HDAC9: variants seen among roughly 807,000 people sequenced by gnomAD.
HDAC9 encodes MEF-2 interacting transcription repressor (MITR) protein.
Under a neutral mutation model 139.4 loss-of-function variants are expected in HDAC9, and 41 were observed. That is an observed-to-expected ratio of 0.29 (90% CI 0.23 to 0.38). HDAC9 has a LOEUF of 0.38. Ranked by LOEUF, HDAC9 falls within the 10% of genes least tolerant of loss-of-function variation. The probability of loss-of-function intolerance (pLI) is 1.00; values close to 1 mark genes in which losing one functional copy is unlikely to be tolerated. For synonymous variants in HDAC9, 517 were observed against 476.2 expected (o/e 1.09, Z -1.12); for missense variants, 1,147 against 1,297.0 (o/e 0.88, Z 1.78).
intron 6 of HDAC9, among the ~76,000 whole-genome samples, chr7:18,626,490 A>G (rs971855380): frequency 6.6e-6 from 1 of 152,168 alleles, no homozygotes; most frequent in Non-Finnish European, 1.5e-5. Flanking sequence ...AACATGAGAA[A>G]TCGAGGTTTA....
intron 2 of HDAC9, chr7:18,505,713 A>G (rs1432288084): frequency 6.6e-6 from 1 of 152,250 alleles, no homozygotes; most frequent in African/African-American, 2.4e-5. Context: ...TCCAACAGGT[A>G]ATTTTTATGA....
At chr7:18,882,168 G>A (rs536017817) in intron 22 of HDAC9, among the ~76,000 whole-genome samples, 6 of 151,980 alleles carry the variant, frequency 3.9e-5, no homozygotes, top group Non-Finnish European at 8.8e-5. Context: ...CACTATATTC[G>A]ATGTTTCTTG....
chr7:18,871,259 A>G (rs899303333), intron 21 of HDAC9, among the ~76,000 whole-genome samples: 1 of 152,254 alleles, frequency 6.6e-6, no homozygotes, highest in South Asian at 2.1e-4. Flanking sequence ...TGACATGTCC[A>G]TGTCTCTTTT....
intron 1 of HDAC9, among the ~76,000 whole-genome samples, chr7:18,381,406 A>G (rs372497916): frequency 1.3e-5 from 2 of 152,066 alleles, no homozygotes; most frequent in African/African-American, 2.4e-5. Context: ...ACCAAGCAGT[A>G]AAGTATAAAT....
At chr7:18,687,790 G>C (rs1425825277) in intron 12 of HDAC9, among the ~76,000 whole-genome samples, 2 of 151,750 alleles carry the variant, frequency 1.3e-5, no homozygotes, top group African/African-American at 4.8e-5. Flanking sequence ...CTAGTTAGAT[G>C]GACATATTTT....
chr7:18,739,403 C>T (rs1004789316), intron 13 of HDAC9, among the ~76,000 whole-genome samples: 6 of 152,230 alleles, frequency 3.9e-5, no homozygotes, highest in African/African-American at 1.2e-4. Flanking sequence ...GTGGTTTTAT[C>T]TACCTTTGGT....
At chr7:18,732,576 T>TATA (rs1786187851) in intron 13 of HDAC9, among the ~76,000 whole-genome samples, 1 of 142,290 alleles carries the variant, frequency 7.0e-6, no homozygotes, top group African/African-American at 2.8e-5. Context: ...TATATGTGCA[T>TATA]GTGTATATAC....
In HDAC9 at chr7:18,865,422, G is replaced by A. The variant is rs1798417620; in HGVS notation, c.2685-9056G>A. Among the ~76,000 whole-genome samples, 3 of 152,320 alleles carry A rather than the reference G, an allele frequency of 2.0e-5. No homozygotes were observed. The South Asian group carries it at 6.2e-4, about 32-fold the overall frequency. On this transcript the variant is annotated intron_variant, in intron 21 of 25. Transcript: ENST00000686413. ...AGAAGGGGGCAATGTGTGTGTGTTG[G>A]TGGTGTGAAGAGTTGGAGGGTGAAT...
chr7:18,224,269 A>G (rs908412443), intron 2 of HDAC9, among the ~76,000 whole-genome samples: 2 of 152,194 alleles, frequency 1.3e-5, no homozygotes, highest in Admixed American at 6.5e-5. Context: ...GTGAGGAATA[A>G]TTTTAATGTC....
chr7:18,245,643 T>C (rs917329), intron 2 of HDAC9, among the ~76,000 whole-genome samples: 111,521 of 152,092 alleles, frequency 0.73, 41,026 homozygotes, highest in South Asian at 0.85. Context: ...ATGTTACTTT[T>C]TGGGAGATGT....
At chr7:18,460,640 G>A (rs947399117) in intron 1 of HDAC9, among the ~76,000 whole-genome samples, 3 of 151,684 alleles carry the variant, frequency 2.0e-5, no homozygotes, top group African/African-American at 4.8e-5. Context: ...CAAAATTAGC[G>A]AGGCGTGGTG....
At chr7:18,583,064 T>C (rs573303603) in intron 2 of HDAC9, among the ~76,000 whole-genome samples, 3 of 152,336 alleles carry the variant, frequency 2.0e-5, no homozygotes, top group African/African-American at 7.2e-5. Flanking sequence ...CTAGATGTTT[T>C]AGTATTTTTA....
chr7:18,651,918 A>T (rs1451817374), intron 11 of HDAC9, among the ~76,000 whole-genome samples: 1 of 152,100 alleles, frequency 6.6e-6, no homozygotes, highest in Non-Finnish European at 1.5e-5. Flanking sequence ...GTCAGAAAGG[A>T]GAGTGCTGGG....
chr7:18,427,595 C>G (rs922811727), intron 1 of HDAC9, among the ~76,000 whole-genome samples: 4 of 151,938 alleles, frequency 2.6e-5, no homozygotes, highest in African/African-American at 9.7e-5. Context: ...CACCATGGCT[C>G]TTGGATTATT....
rs200840850 is a variant in HDAC9 at position 18,297,524 on chromosome 7, A to T, written c.-42+7009A>T. ...ATAGACATTTAAAAACTCAAATTTC[A>T]TACCTTGTTTGGGGATACATAAATA... is the stretch of plus-strand genomic sequence containing the variant. On this transcript the variant is annotated intron_variant, in intron 1 of 3. Coordinates refer to the HDAC9 transcript ENST00000413509. Among the ~76,000 whole-genome samples, 201 of 152,328 alleles carry T rather than the reference A, an allele frequency of 1.3e-3. 2 individuals are homozygous for T. The highest frequency in any genetic ancestry group is 6.8e-3 in the Middle Eastern group (2 of 292).
chr7:18,870,285 C>A (rs1798814626), intron 21 of HDAC9, among the ~76,000 whole-genome samples: 1 of 152,170 alleles, frequency 6.6e-6, no homozygotes, highest in South Asian at 2.1e-4. Context: ...CATGCCTCCT[C>A]AATCTCCTCC....
intron 1 of HDAC9, among the ~76,000 whole-genome samples, chr7:18,318,744 T>C (rs986716670): frequency 6.6e-6 from 1 of 152,200 alleles, no homozygotes; most frequent in African/African-American, 2.4e-5. Context: ...GGGTTCATAC[T>C]TTGGGTCTGT....
chr7:18,091,373 C>T (rs1782133555), intron 1 of HDAC9, among the ~76,000 whole-genome samples: 1 of 152,166 alleles, frequency 6.6e-6, no homozygotes, highest in Non-Finnish European at 1.5e-5. Flanking sequence ...GTACTTTCTT[C>T]ACATCTCTAC....
At chr7:18,571,702 A>G (rs1046833092) in intron 2 of HDAC9, among the ~76,000 whole-genome samples, 1 of 152,052 alleles carries the variant, frequency 6.6e-6, no homozygotes, top group Non-Finnish European at 1.5e-5. Flanking sequence ...GGTAAGATGC[A>G]TTGGTTGAAA....
Sources: allele counts gnomAD v4.1 joint callset (sites outside exome capture counted in the v4.1 genomes callset), GRCh38; gene constraint gnomAD v4.1.1; transcripts MANE v1.5; gene names NCBI Gene and HGNC (gene_info 2026-07-23, HGNC 2026-07-21).